IL18RAP: variants seen among roughly 807,000 people sequenced by gnomAD.
The protein encoded by IL18RAP is interleukin 18 receptor accessory protein, also known as interleukin-18 receptor accessory protein.
In IL18RAP, 37 loss-of-function variants were observed where a neutral mutation model predicts 58.1. That is an observed-to-expected ratio of 0.64 (90% CI 0.49 to 0.84). The LOEUF (loss-of-function observed/expected upper bound fraction) is 0.84, where lower values mean the gene tolerates loss of function less well. IL18RAP is among the 40% of genes least tolerant of loss of function. The pLI, the probability that IL18RAP is intolerant of heterozygous loss-of-function variation, is 0.00. For synonymous variants in IL18RAP, 268 were observed against 257.5 expected, an observed-to-expected ratio of 1.04 and a Z score of -0.39; for missense variants, 667 against 704.8, an observed-to-expected ratio of 0.95 and a Z score of 0.61.
rs1683826235 is a variant in IL18RAP, at chr2:102,452,338, A to G, written c.*157A>G. On this transcript the variant is annotated 3_prime_UTR_variant, in exon 10 of 10. Transcript: ENST00000687160. ...TGATGGACAATGGAGTGGGATTGAG[A>G]CTGTGGTTTAGAGCCTTTGATTTCC... 5.9e-6 allele frequency: 4 copies of G among 677,864 alleles called. No homozygotes were observed. 42.0% of individuals were successfully genotyped at this position (677,864 alleles called of 1,614,324 possible). A position where few individuals can be genotyped will look rare whatever the true frequency, so the allele number is the denominator to read the frequency against.
intron 3 of IL18RAP, among the ~76,000 whole-genome samples, chr2:102,431,534 C>T (rs144396847): frequency 1.3e-3 from 202 of 152,136 alleles, no homozygotes; most frequent in African/African-American, 4.6e-3. Flanking sequence ...TTCCATCTTC[C>T]AAAATTCCTA....
intron 7 of IL18RAP, among the ~76,000 whole-genome samples, chr2:102,445,708 C>G (rs1403087449): frequency 6.6e-6 from 1 of 152,012 alleles, no homozygotes; most frequent in Non-Finnish European, 1.5e-5. Flanking sequence ...TCTTTCCTGG[C>G]TTTCAAATCC....
At chr2:102,443,934 T>G (rs1344314551) in intron 6 of IL18RAP, among the ~76,000 whole-genome samples, 2 of 152,170 alleles carry the variant, frequency 1.3e-5, no homozygotes, top group Non-Finnish European at 2.9e-5. Flanking sequence ...TGGTGAGATA[T>G]TTTGGCCAGT....
At chr2:102,420,488 A>G (rs1681506066), upstream of IL18RAP, among the ~76,000 whole-genome samples, 1 of 152,166 alleles carries the variant, frequency 6.6e-6, no homozygotes, top group African/African-American at 2.4e-5. Context: ...GTCTGAGGCC[A>G]GTTGGTGGGT....
chr2:102,449,844 C>A (rs1312251968), intron 8 of IL18RAP, among the ~76,000 whole-genome samples: 2 of 152,134 alleles, frequency 1.3e-5, no homozygotes, highest in African/African-American at 4.8e-5. Context: ...GCCAGCCATG[C>A]CCCACAAGTC....
chr2:102,451,022 G>GT lies in IL18RAP; in HGVS notation c.1384+2dup. ...GAAAGAGATGTGGCTCCAGGAGGAG[G>GT]TAAGTCCAACATGTCAAGAAAAACT... On this transcript the variant is annotated splice_donor_variant, in intron 9 of 9. Transcript: ENST00000687160. LOFTEE classifies it high-confidence loss of function. 6.3e-7 allele frequency: 1 copy of GT among 1,583,672 alleles called. No homozygotes were observed. The highest frequency in any genetic ancestry group is 1.2e-5 in the South Asian group (1 of 84,038).
At chr2:102,422,447 G>C (rs987232669), upstream of IL18RAP, among the ~76,000 whole-genome samples, 1 of 152,192 alleles carries the variant, frequency 6.6e-6, no homozygotes, top group African/African-American at 2.4e-5. Flanking sequence ...AGATGCCCCA[G>C]GCTCCCTCCA....
At chr2:102,433,354 T>G (rs1185237112) in intron 3 of IL18RAP, among the ~76,000 whole-genome samples, 1 of 152,160 alleles carries the variant, frequency 6.6e-6, no homozygotes, top group African/African-American at 2.4e-5. Context: ...TCTCAAGTAG[T>G]TGGGACTACA....
At chr2:102,439,473 G>T in intron 4 of IL18RAP, 1 of 152,532 alleles carries the variant, frequency 6.6e-6, no homozygotes, top group Non-Finnish European at 1.5e-5. Context: ...GGAATGTGCT[G>T]ACAGAGCACA....
intron 4 of IL18RAP, chr2:102,440,583 G>A (rs17027173): frequency 0.2 from 30,937 of 152,042 alleles, 3,375 homozygotes; most frequent in African/African-American, 0.23. Flanking sequence ...AGGATGATGA[G>A]ACTGAGCATG....
At chr2:102,429,997 G>GA (rs1273612589) in intron 3 of IL18RAP, among the ~76,000 whole-genome samples, 1 of 151,892 alleles carries the variant, frequency 6.6e-6, no homozygotes, top group African/African-American at 2.4e-5. Context: ...ATCCTTCCTG[G>GA]AAAATGTTCT....
At chr2:102,437,450 G>A in intron 4 of IL18RAP, 88 bp downstream of exon 4, 1 of 1,302,018 alleles carries the variant, frequency 7.7e-7, no homozygotes, top group Non-Finnish European at 1.1e-6. Flanking sequence ...TCCTCTTAGG[G>A]AAAGAAAAGG....
intron 3 of IL18RAP, among the ~76,000 whole-genome samples, chr2:102,430,139 G>A (rs1682239764): frequency 1.3e-5 from 2 of 152,006 alleles, no homozygotes; most frequent in Non-Finnish European, 2.9e-5. Context: ...TAAATGAGCT[G>A]TCCATAGTTG....
chr2:102,423,817 C>A lies in IL18RAP; in HGVS notation c.77C>A (p.Ser26Tyr). Residue 26 changes from serine to tyrosine, a missense_variant, in exon 2 of 10, where the codon TCC (serine) becomes TAC (tyrosine). By Grantham distance (144) the Ser-to-Tyr change is moderately radical. Coordinates refer to ENST00000687160, the MANE Select transcript of IL18RAP (RefSeq NM_001393487.1). ...TGTTTATTATGATTTTCAGGTTGTT[C>A]CACAAAAAAACTCCTTTGGACATAT... is the stretch of plus-strand genomic sequence containing the variant. The part of the protein sequence containing the change: ...RIKGFNISGC[S>Y]TKKLLWTYST... 1 of 1,609,022 alleles carries A rather than the reference C, an allele frequency of 6.2e-7. No homozygotes were observed. The highest frequency in any genetic ancestry group is 1.1e-5 in the South Asian group (1 of 90,932).
chr2:102,423,368 T>C lies in IL18RAP; in HGVS notation c.70+21T>C, dbSNP rs376031594. ...TTCAGGTAGGGGTTTTCACTTTTCATGTTAGCACTGTGAGTCTGTGGTCAA... is the reference window on the plus strand; with the variant it reads ...TTCAGGTAGGGGTTTTCACTTTTCACGTTAGCACTGTGAGTCTGTGGTCAA... On this transcript the variant is annotated intron_variant, in intron 1 of 9. Coordinates refer to ENST00000687160, the MANE Select transcript of IL18RAP (RefSeq NM_001393487.1). 4 of 1,592,988 alleles carry C rather than the reference T, an allele frequency of 2.5e-6. No individual in the cohort carries two copies. The African/African-American group carries it at 5.4e-5, about 21-fold the overall frequency.
chr2:102,447,914 A>G (rs1426177536), intron 8 of IL18RAP, among the ~76,000 whole-genome samples: 1 of 152,006 alleles, frequency 6.6e-6, no homozygotes, highest in African/African-American at 2.4e-5. Flanking sequence ...TGTTTTTAGT[A>G]GAGACTGCTG....
intron 7 of IL18RAP, 40 bp from the exon 8 acceptor site, chr2:102,447,030 G>A (rs764548395): frequency 8.1e-6 from 13 of 1,601,362 alleles, no homozygotes; most frequent in Non-Finnish European, 1.0e-5. Context: ...GTCCAATCCC[G>A]CTGCCTCTAT....
chr2:102,444,328 A>G lies in IL18RAP; in HGVS notation c.921-861A>G, dbSNP rs189089972. 1.7e-3 allele frequency among the ~76,000 whole-genome samples: 264 copies of G among 152,318 alleles called. 2 individuals carry two copies. Among genetic ancestry groups the G allele is most frequent in the Non-Finnish European group, 1.8e-3 (122 of 68,024 alleles). On this transcript the variant is annotated intron_variant, in intron 6 of 9. Transcript: ENST00000687160. The stretch of plus-strand genomic sequence containing the variant: ...TGTAGTCAAGAGGGTATGTTTTGAC[A>G]TCACCCACCCTTGGGTTTAAACCCA...
Position 102,437,341 on chromosome 2 carries a change from G to A in IL18RAP, c.709G>A (p.Val237Ile). The A allele has an allele frequency of 6.2e-7, 1 of 1,613,100 alleles. No individual in the cohort carries two copies. Among genetic ancestry groups the A allele is most frequent in the Non-Finnish European group, 8.5e-7 (1 of 1,179,530 alleles). ...TGTGAGTTCGTGGACAGTCAGAGCT[G>A]TTGTTCAAGTGAGAACCATTGGTAA... Reference protein sequence around the residue: ...DTVSSWTVRAVVQVRTIVGDT... With the variant: ...DTVSSWTVRAIVQVRTIVGDT... The change falls in exon 4 of 10, where the codon GTT becomes ATT. Residue 237 changes from valine to isoleucine, a missense_variant. Coordinates refer to ENST00000687160, the MANE Select transcript of IL18RAP (RefSeq NM_001393487.1).
Sources: gnomAD v4.1 joint callset for allele counts (sites outside exome capture counted in the v4.1 genomes callset) on GRCh38, gnomAD v4.1.1 for gene constraint, MANE v1.5 for transcripts, NCBI Gene and HGNC (gene_info 2026-07-23, HGNC 2026-07-21) for gene names.